LMO1: variants seen among roughly 807,000 people sequenced by gnomAD.
LMO1 encodes the protein rhombotin-1.
LMO1 carries 10 observed loss-of-function variants against 18.0 expected under a neutral mutation model. That is an observed-to-expected ratio of 0.55 (90% confidence interval 0.34 to 0.94). The LOEUF is 0.94. LMO1 is among the 40% of genes least tolerant of loss of function. The probability of loss-of-function intolerance (pLI) is 0.02; values close to 1 mark genes in which losing one functional copy is unlikely to be tolerated. For missense variants in LMO1, 183 were observed against 205.7 expected (o/e 0.89, Z 0.68); for synonymous variants, 77 against 77.9 (o/e 0.99, Z 0.06).
At chr11:8,244,117 G>T (rs1282142772) in intron 1 of LMO1, among the ~76,000 whole-genome samples, 1 of 152,230 alleles carries the variant, frequency 6.6e-6, no homozygotes, top group Non-Finnish European at 1.5e-5. Context: ...AGCCACCGTG[G>T]CCTCGGGCCT....
At chr11:8,261,473 G>T (rs903539928) in intron 1 of LMO1, among the ~76,000 whole-genome samples, 1 of 152,240 alleles carries the variant, frequency 6.6e-6, no homozygotes, top group Admixed American at 6.5e-5. Flanking sequence ...CTGGGTGCAG[G>T]TAGGGGGTGT....
rs34847129 is a variant in LMO1, at chr11:8,225,404, C to CAAA, written c.366-686_366-684dup. On this transcript the variant is annotated intron_variant, in intron 3 of 3. Coordinates refer to ENST00000335790, the MANE Select transcript of LMO1 (RefSeq NM_002315.3). Reference sequence around the variant, plus strand: ...TGGGCGACAGAGTAAGACTCCATCTCAAAAAAAAAAAAAAAAAAAAAAAAA... The same window carrying CAAA: ...TGGGCGACAGAGTAAGACTCCATCTCAAAAAAAAAAAAAAAAAAAAAAAAAAAA... Among the ~76,000 whole-genome samples the CAAA allele has an allele frequency of 4.7e-3, 163 of 34,694 alleles. 23 individuals carry two copies. The highest frequency in any genetic ancestry group is 0.012 in the African/African-American group (152 of 12,946). 22.8% of individuals were successfully genotyped at this position (34,694 alleles called of 152,430 possible). A position where few individuals can be genotyped will look rare whatever the true frequency, so the allele number is the denominator to read the frequency against.
In LMO1 at chr11:8,224,468, G is replaced by A. The variant is rs1952496500; in HGVS notation, c.*148C>T. On this transcript the variant is annotated 3_prime_UTR_variant, in exon 4 of 4. Coordinates refer to ENST00000335790, the MANE Select transcript of LMO1 (RefSeq NM_002315.3). ...AGACGGGCGGTGGTGGAGGAGGAAG[G>A]GCCATCCCTCCCATCGAGGACGGAG... 2 of 612,484 alleles carry A rather than the reference G, an allele frequency of 3.3e-6. No homozygotes were observed. Among genetic ancestry groups the A allele is most frequent in the Middle Eastern group, 4.3e-4 (1 of 2,314 alleles). 37.9% of individuals were successfully genotyped at this position (612,484 alleles called of 1,614,324 possible).
At position 8,251,905 on chromosome 11, in the gene LMO1, G is replaced by A. The variant is rs961607485; in HGVS notation, c.25+11433C>T. On this transcript the variant is annotated intron_variant, in intron 1 of 3. Transcript: ENST00000335790. ...TGTGTATAGGTGTGTATGGGAGTGT[G>A]TGGTGGGTGTGTGGTGGGTGTGTAA... is the stretch of plus-strand genomic sequence containing the variant. Among the ~76,000 whole-genome samples, 139 of 55,992 alleles carry A rather than the reference G, an allele frequency of 2.5e-3. 2 individuals carry two copies. The highest frequency in any genetic ancestry group is 0.014 in the Middle Eastern group (1 of 72). 36.7% of individuals were successfully genotyped at this position (55,992 alleles called of 152,430 possible).
intron 1 of LMO1, among the ~76,000 whole-genome samples, chr11:8,233,438 G>A (rs958106848): frequency 3.3e-5 from 5 of 152,280 alleles, no homozygotes; most frequent in East Asian, 1.9e-4. Context: ...TAAGAAAAAC[G>A]GAAGCAATCC....
chr11:8,263,171 C>A (rs936790891), intron 1 of LMO1, among the ~76,000 whole-genome samples, 167 bp downstream of exon 1: 2 of 151,562 alleles, frequency 1.3e-5, no homozygotes, highest in African/African-American at 2.4e-5. Context: ...GCCCGGCTGT[C>A]CCCCGGTACT....
At chr11:8,237,682 C>T (rs1348822205) in intron 1 of LMO1, among the ~76,000 whole-genome samples, 2 of 152,258 alleles carry the variant, frequency 1.3e-5, no homozygotes. Context: ...CTCCAGCTCC[C>T]CACGAGGGCA....
At chr11:8,251,872 A>AGC (rs1554994030) in intron 1 of LMO1, among the ~76,000 whole-genome samples, 1 of 29,568 alleles carries the variant, frequency 3.4e-5, no homozygotes, top group East Asian at 1.4e-3. Context: ...AATGTGTGTG[A>AGC]GTGTGTGTGT....
Position 8,230,434 on chromosome 11 carries a change from C to T in LMO1, c.96G>A (p.Lys32=), listed in dbSNP as rs1056998714. ...CCAATGCCTTCAGCAGATAGCGGTCCTTGATCTTGCGGTTACAGCCCGCAC... is the reference window on the plus strand; with the variant it reads ...CCAATGCCTTCAGCAGATAGCGGTCTTTGATCTTGCGGTTACAGCCCGCAC... ...KGCAGCNRKI[K]DRYLLKALDK... Residue 32 remains lysine, a synonymous_variant, in exon 2 of 4, where the codon AAG becomes AAA. Transcript: ENST00000335790. 6.2e-7 allele frequency: 1 copy of T among 1,614,080 alleles called. No individual in the cohort carries two copies. The highest frequency in any genetic ancestry group is 1.3e-5 in the African/African-American group (1 of 75,062).
In LMO1 at chr11:8,224,521, G is replaced by A; in HGVS notation, c.*95C>T. The A allele has an allele frequency of 2.8e-6, 2 of 709,990 alleles. No individual in the cohort carries two copies. The highest frequency in any genetic ancestry group is 4.9e-6 in the Non-Finnish European group (2 of 410,378). 44.0% of individuals were successfully genotyped at this position (709,990 alleles called of 1,614,324 possible). On this transcript the variant is annotated 3_prime_UTR_variant, in exon 4 of 4. Coordinates refer to ENST00000335790, the MANE Select transcript of LMO1 (RefSeq NM_002315.3). ...GTTCTAATGTGGCAGGAGAGCGGCTGGCCAGCCTGCACTGGTAGAGTGGCT... is the reference window on the plus strand; with the variant it reads ...GTTCTAATGTGGCAGGAGAGCGGCTAGCCAGCCTGCACTGGTAGAGTGGCT...
Position 8,224,772 on chromosome 11 carries a change from AG to A in LMO1, c.366-52del, listed in dbSNP as rs142817725. The stretch of plus-strand genomic sequence containing the variant: ...AGCCATGGGAAGGTCCCAGTGGGTA[AG>A]GGGGGGGCTGCAGACAGAAGCCGGC... On this transcript the variant is annotated intron_variant, in intron 3 of 3. Transcript: ENST00000335790. 327 of 1,240,600 alleles carry A rather than the reference AG, an allele frequency of 2.6e-4. 2 individuals carry two copies. Among genetic ancestry groups the A allele is most frequent in the Middle Eastern group, 2.6e-3 (14 of 5,336 alleles). The allele number at this position is 1,240,600 out of a possible 1,614,324, so 76.8% of individuals were successfully genotyped here.
At chr11:8,255,603 C>T (rs1847077753) in intron 1 of LMO1, among the ~76,000 whole-genome samples, 1 of 152,166 alleles carries the variant, frequency 6.6e-6, no homozygotes, top group Admixed American at 6.5e-5. Context: ...GCAGTCTTGT[C>T]ACGCCCAGCA....
intron 1 of LMO1, among the ~76,000 whole-genome samples, chr11:8,260,306 G>A (rs1289358322): frequency 1.3e-5 from 2 of 152,176 alleles, no homozygotes; most frequent in South Asian, 2.1e-4. Flanking sequence ...CAAGCCGCAG[G>A]TGCCAGGGGA....
rs1334452407 is a variant in LMO1 at position 8,263,444 on chromosome 11, G to C, written c.-82C>G. On this transcript the variant is annotated 5_prime_UTR_variant, in exon 1 of 4. Transcript: ENST00000335790. ...CGGGGCGCGCTTTGGAGGGGCGGCC[G>C]GTCTTCGGGCAGCTAGCGGGCTCTA... The C allele has an allele frequency of 6.3e-7, 1 of 1,574,944 alleles. No homozygotes were observed. The highest frequency in any genetic ancestry group is 1.8e-5 in the Admixed American group (1 of 56,714).
intron 2 of LMO1, among the ~76,000 whole-genome samples, chr11:8,228,661 A>C (rs2134516771): frequency 6.6e-6 from 1 of 152,188 alleles, no homozygotes; most frequent in East Asian, 1.9e-4. Context: ...GCAAAAAAAA[A>C]AAAAAAAATT....
At chr11:8,226,800 C>A (rs1952550436) in intron 3 of LMO1, 175 bp downstream of exon 3, 23 of 1,260,712 alleles carry the variant, frequency 1.8e-5, no homozygotes, top group Non-Finnish European at 1.9e-5. Context: ...GGCTACCGAG[C>A]TTACACACAC....
At chr11:8,244,723 G>C (rs1042266764) in intron 1 of LMO1, among the ~76,000 whole-genome samples, 4 of 152,234 alleles carry the variant, frequency 2.6e-5, no homozygotes, top group Non-Finnish European at 4.4e-5. Context: ...TGGCCTGGGG[G>C]TAAGGGCTGG....
At chr11:8,238,283 T>G (rs1451331402) in intron 1 of LMO1, among the ~76,000 whole-genome samples, 4 of 152,232 alleles carry the variant, frequency 2.6e-5, no homozygotes, top group African/African-American at 9.6e-5. Context: ...AATATAATAT[T>G]GAATGAAAGA....
At chr11:8,255,655 G>A (rs1206582130) in intron 1 of LMO1, among the ~76,000 whole-genome samples, 1 of 152,146 alleles carries the variant, frequency 6.6e-6, no homozygotes, top group Non-Finnish European at 1.5e-5. Context: ...ATGTGAGTGA[G>A]CCCAGCTGAG....
Sources: gnomAD v4.1 joint callset for allele counts (sites outside exome capture counted in the v4.1 genomes callset) on GRCh38, gnomAD v4.1.1 for gene constraint, MANE v1.5 for transcripts, NCBI Gene and HGNC (gene_info 2026-07-23, HGNC 2026-07-21) for gene names.